The following KIAA1191 variants were observed in gnomAD, a reference collection of about 807,000 sequenced individuals.
The protein encoded by KIAA1191 is KIAA1191, also known as putative monooxygenase p33MONOX.
Under a neutral mutation model 31.1 loss-of-function variants are expected in KIAA1191, and 22 were observed. That is an observed-to-expected ratio of 0.71 (90% CI 0.51 to 1.01). The LOEUF (loss-of-function observed/expected upper bound fraction) is 1.01. Ranked by LOEUF, KIAA1191 falls within the 50% of genes least tolerant of loss-of-function variation. KIAA1191 has a pLI of 0.00. For synonymous variants in KIAA1191, 130 were observed against 143.9 expected, an observed-to-expected ratio of 0.90 and a Z score of 0.69; for missense variants, 319 against 388.0, an observed-to-expected ratio of 0.82 and a Z score of 1.49.
chr5:176,353,887 C>T (rs1381252412), intron 4 of KIAA1191, among the ~76,000 whole-genome samples: 6 of 152,226 alleles, frequency 3.9e-5, no homozygotes, highest in Admixed American at 3.9e-4. Flanking sequence ...CAAGCTGCAG[C>T]AGGCCTTTTC....
rs917258250 is a variant in KIAA1191 at position 176,352,686 on chromosome 5, A to C, written c.270T>G (p.Ser90Arg). 1.2e-6 allele frequency: 2 copies of C among 1,614,072 alleles called. No individual in the cohort carries two copies. The highest frequency in any genetic ancestry group is 1.7e-5 in the Admixed American group (1 of 60,030). ...PAMTLSSAID[S>R]VDKVPVVKAK... ...CCTTCACCACTGGGACCTTGTCCAC[A>C]CTGTCAATGGCTGATGACAGGGTCA... The change falls in exon 5 of 9, where the codon AGT becomes AGG. Residue 90 changes from serine (S) to arginine (R), a missense_variant. Physicochemically the swap from Ser to Arg is moderately radical, Grantham distance 110 (BLOSUM62 -1). Coordinates refer to ENST00000298569, the MANE Select transcript of KIAA1191 (RefSeq NM_020444.5).
In KIAA1191 at chr5:176,359,489, T is replaced by TAC; in HGVS notation, c.19_20insGT (p.Glu7GlyfsTer12). On this transcript the variant is annotated frameshift_variant, in exon 3 of 9. Coordinates refer to ENST00000298569, the MANE Select transcript of KIAA1191 (RefSeq NM_020444.5). LOFTEE classifies it high-confidence loss of function. ...AAAAGAATTAAGTTTACCAGGCACT[T>TAC]CTGGTTGTCTTGAAGCCATTGAAAG... The TAC allele has an allele frequency of 6.2e-7, 1 of 1,613,822 alleles. No homozygotes were observed. Among genetic ancestry groups the TAC allele is most frequent in the Non-Finnish European group, 8.5e-7 (1 of 1,179,774 alleles).
At chr5:176,348,829 C>G (rs1263249793) in intron 6 of KIAA1191, among the ~76,000 whole-genome samples, 3 of 152,062 alleles carry the variant, frequency 2.0e-5, no homozygotes, top group African/African-American at 4.8e-5. Flanking sequence ...CTCTGAGGAG[C>G]CTGTTCCATT....
chr5:176,350,666 TGTG>T lies in KIAA1191; in HGVS notation c.403_405del (p.His135del). ...TTGGTCTCCTCGGTGGTGAGGCCCT[TGTG>T]GGGTGTGTAGCCAGCATCTCTCAGC... is the stretch of plus-strand genomic sequence containing the variant. On this transcript the variant is annotated inframe_deletion, in exon 6 of 9. Transcript: ENST00000298569. 1 of 1,614,074 alleles carries T rather than the reference TGTG, an allele frequency of 6.2e-7. No homozygotes were observed. The highest frequency in any genetic ancestry group is 1.1e-5 in the South Asian group (1 of 91,068).
intron 6 of KIAA1191, chr5:176,349,187 T>G (rs1766781152): frequency 6.6e-6 from 1 of 152,218 alleles, no homozygotes; most frequent in African/African-American, 2.4e-5. Flanking sequence ...CCTACCATTA[T>G]ATAAGGTGAA....
intron 2 of KIAA1191, 71 bp downstream of exon 2, chr5:176,359,740 C>A: frequency 2.1e-6 from 1 of 484,136 alleles, no homozygotes; most frequent in African/African-American, 1.9e-5. Flanking sequence ...TCTCACCACA[C>A]CTGTGGCTGA....
chr5:176,350,757 C>G lies in KIAA1191; in HGVS notation c.335-20G>C, dbSNP rs745624556. 5.0e-6 allele frequency: 8 copies of G among 1,612,496 alleles called. No individual in the cohort carries two copies. The highest frequency in any genetic ancestry group is 6.8e-6 in the Non-Finnish European group (8 of 1,179,524). On this transcript the variant is annotated intron_variant, in intron 5 of 8. Coordinates refer to ENST00000298569, the MANE Select transcript of KIAA1191 (RefSeq NM_020444.5). ...TCTGTTCTGGGAACAGAGGAGATGA[C>G]AGTCATGCCCATTCCCCTCTCCCAT...
upstream of KIAA1191, chr5:176,361,784 C>G (rs1246141289): frequency 6.6e-6 from 1 of 152,468 alleles, no homozygotes; most frequent in African/African-American, 2.4e-5. This position sits in a 1 kb window ranked among gnomAD's most constrained non-coding sequence, Gnocchi z 4.0. Context: ...GCAGGCAGCA[C>G]TGCAGATAAA....
At chr5:176,348,216 G>A (rs773911189) in intron 7 of KIAA1191, 34 bp downstream of exon 7, 26 of 1,599,414 alleles carry the variant, frequency 1.6e-5, no homozygotes, top group African/African-American at 4.0e-5. Flanking sequence ...CCTGAAGCAC[G>A]CAGGAACTCG....
In KIAA1191 at chr5:176,346,587, A is replaced by C. The variant is rs1294524252; in HGVS notation, c.*1013T>G. 6.6e-6 allele frequency: 1 copy of C among 152,276 alleles called. No homozygotes were observed. Among genetic ancestry groups the C allele is most frequent in the Non-Finnish European group, 1.5e-5 (1 of 68,048 alleles). 9.4% of individuals were successfully genotyped at this position (152,276 alleles called of 1,614,324 possible). ...AAGTTTTTAACCAAATTACAGCTAA[A>C]TTAATCTCACTTTAAAGTGCAAGAA... On this transcript the variant is annotated 3_prime_UTR_variant, in exon 9 of 9. Coordinates refer to ENST00000298569, the MANE Select transcript of KIAA1191 (RefSeq NM_020444.5).
At chr5:176,349,267 C>G (rs1766787200) in intron 6 of KIAA1191, among the ~76,000 whole-genome samples, 1 of 152,158 alleles carries the variant, frequency 6.6e-6, no homozygotes, top group African/African-American at 2.4e-5. Context: ...CTGCCGGTGC[C>G]CCTCTCTGGA....
chr5:176,356,000 C>G lies in KIAA1191; in HGVS notation c.29-251G>C, dbSNP rs1405953007. The G allele has an allele frequency of 6.8e-6, 3 of 440,222 alleles. No individual in the cohort carries two copies. Among genetic ancestry groups the G allele is most frequent in the Non-Finnish European group, 8.3e-6 (2 of 241,464 alleles). 27.3% of individuals were successfully genotyped at this position (440,222 alleles called of 1,614,324 possible). On this transcript the variant is annotated intron_variant, in intron 3 of 8. Transcript: ENST00000298569. This position sits in a 1 kb window ranked among gnomAD's most constrained non-coding sequence, Gnocchi z 4.2. ...TTTTTTTTTATTATTTGTTTAGAGA[C>G]ACAGTCTATGTTGCCCAGGCTGGAG...
intron 4 of KIAA1191, chr5:176,353,185 A>G (rs1308664464): frequency 6.5e-6 from 1 of 154,474 alleles, no homozygotes; most frequent in South Asian, 2.0e-4. Flanking sequence ...GCTCCACCTC[A>G]GAGTTTGATT....
Position 176,361,106 on chromosome 5 carries a change from G to A in KIAA1191, c.-168+496C>T, listed in dbSNP as rs1767965067. On this transcript the variant is annotated intron_variant, in intron 1 of 8. Coordinates refer to ENST00000298569, the MANE Select transcript of KIAA1191 (RefSeq NM_020444.5). This position sits in a 1 kb window ranked among gnomAD's most constrained non-coding sequence, Gnocchi z 4.0. ...AATTCAGCCATCCTCCCAGTCCAGG[G>A]AGCATTCCCGCCCCAGACACGTCCC... 6.6e-6 allele frequency: 1 copy of A among 152,360 alleles called. No homozygotes were observed. The highest frequency in any genetic ancestry group is 1.5e-5 in the Non-Finnish European group (1 of 68,152). The allele number at this position is 152,360 out of a possible 1,614,324, so 9.4% of individuals were successfully genotyped here. A position where few individuals can be genotyped will look rare whatever the true frequency, so the allele number is the denominator to read the frequency against.
At position 176,352,668 on chromosome 5, in the gene KIAA1191, C is replaced by T; in HGVS notation, c.288G>A (p.Val96=). ...TGACATGGGTAGCTTTAGCCTTCAC[C>T]ACTGGGACCTTGTCCACACTGTCAA... ...SAIDSVDKVP[V]VKAKATHVIM... is the part of the protein sequence containing the mutation. Residue 96 remains valine (V), a synonymous_variant, in exon 5 of 9, where the codon GTG becomes GTA. Coordinates refer to ENST00000298569, the MANE Select transcript of KIAA1191 (RefSeq NM_020444.5). 1.2e-6 allele frequency: 2 copies of T among 1,614,030 alleles called. No individual in the cohort carries two copies. The highest frequency in any genetic ancestry group is 1.7e-6 in the Non-Finnish European group (2 of 1,179,950).
In KIAA1191 at chr5:176,347,903, T is replaced by G. The variant is rs764651104; in HGVS notation, c.709+18A>C. The G allele has an allele frequency of 5.0e-6, 8 of 1,613,928 alleles. No homozygotes were observed. Among genetic ancestry groups the G allele is most frequent in the Non-Finnish European group, 6.8e-6 (8 of 1,179,986 alleles). On this transcript the variant is annotated intron_variant, in intron 8 of 8. Coordinates refer to ENST00000298569, the MANE Select transcript of KIAA1191 (RefSeq NM_020444.5). ...GATGTCTGCCATGCTGCTCTCTTTT[T>G]TGAAGGTGCTGCCTTACCAGAATCG...
chr5:176,361,186 T>A lies in KIAA1191; in HGVS notation c.-168+416A>T, dbSNP rs1041227103. 7 of 148,344 alleles carry A rather than the reference T, an allele frequency of 4.7e-5. No homozygotes were observed. The highest frequency in any genetic ancestry group is 1.8e-4 in the African/African-American group (7 of 39,644). 9.2% of individuals were successfully genotyped at this position (148,344 alleles called of 1,614,324 possible). On this transcript the variant is annotated intron_variant, in intron 1 of 8. Transcript: ENST00000298569. The surrounding 1 kb of genome is among the most constrained non-coding windows in gnomAD (Gnocchi z 4.0). ...CCCCCCAGCTCACCGTCCCTCTGCC[T>A]CTCCTTCACAATATACAAGACGGTG...
intron 7 of KIAA1191, 21 bp downstream of exon 7, chr5:176,348,229 A>G: frequency 1.9e-6 from 3 of 1,610,450 alleles, no homozygotes; most frequent in Non-Finnish European, 2.5e-6. Context: ...GGAACTCGGA[A>G]GGGTCACAGG....
At position 176,352,854 on chromosome 5, in the gene KIAA1191, T is replaced by C; in HGVS notation, c.208-106A>G. 22 of 1,245,654 alleles carry C rather than the reference T, an allele frequency of 1.8e-5. No individual in the cohort carries two copies. The South Asian group carries it at 3.4e-4, about 19-fold the overall frequency. 77.2% of individuals were successfully genotyped at this position (1,245,654 alleles called of 1,614,324 possible). On this transcript the variant is annotated intron_variant, in intron 4 of 8. Transcript: ENST00000298569. ...AGTTACTGAAATAACATTAATCTGG[T>C]AAGTGAGGAAATCATTGAAGGGAGG...
Sources: allele counts gnomAD v4.1 joint callset (sites outside exome capture counted in the v4.1 genomes callset), GRCh38; gene constraint gnomAD v4.1.1; non-coding constraint Gnocchi (gnomAD v3.1); transcripts MANE v1.5; gene names NCBI Gene and HGNC (gene_info 2026-07-23, HGNC 2026-07-21).